The following GARS1 variants were observed in gnomAD, a reference collection of about 807,000 sequenced individuals.
GARS1 encodes the protein glycyl-tRNA synthetase 1.
A neutral mutation model predicts 86.4 loss-of-function variants in GARS1; 46 were observed. The observed-to-expected ratio is 0.53, with a 90% CI of 0.42 to 0.68. The LOEUF (loss-of-function observed/expected upper bound fraction) is 0.68, where lower values mean the gene tolerates loss of function less well. GARS1 is among the 30% of genes least tolerant of loss of function. The probability of loss-of-function intolerance (pLI) is 0.00; values close to 1 mark genes in which losing one functional copy is unlikely to be tolerated. For missense variants in GARS1, 797 were observed against 915.6 expected, an observed-to-expected ratio of 0.87 and a Z score of 1.67; for synonymous variants, 342 against 329.8, an observed-to-expected ratio of 1.04 and a Z score of -0.40.
At chr7:30,615,780 A>T in intron 8 of GARS1, 116 bp from the exon 9 acceptor site, 1 of 1,134,790 alleles carries the variant, frequency 8.8e-7, no homozygotes, top group Non-Finnish European at 1.2e-6. Context: ...GAAAAAGACC[A>T]CTATAGTATG....
rs370844461 is a variant in GARS1, at chr7:30,628,603, G to C, written c.1743G>C (p.Leu581=). Residue 581 remains leucine (L), a synonymous_variant, in exon 14 of 17, where the codon CTG becomes CTC. Coordinates refer to ENST00000389266, the MANE Select transcript of GARS1 (RefSeq NM_002047.4). ...ATGTAATTGAACCTTCCTTCGGCCT[G>C]GGTAGGATCATGTATACGGTATTTG... ...VPNVIEPSFG[L]GRIMYTVFEH... The C allele has an allele frequency of 2.0e-5, 33 of 1,613,084 alleles. No homozygotes were observed. In the African/African-American group the frequency reaches 4.3e-4, roughly 21 times the overall value.
At position 30,595,029 on chromosome 7, in the gene GARS1, C is replaced by T. The variant is rs1166263515; in HGVS notation, c.108C>T (p.Leu36=). ...CCTCGCTCCTGCTCCGCCGGTCCCTCAGCGCGGCCTCCTGCCCCCCGATCT... is the reference window on the plus strand; with the variant it reads ...CCTCGCTCCTGCTCCGCCGGTCCCTTAGCGCGGCCTCCTGCCCCCCGATCT... ...ARPSLLLRRS[L]SAASCPPISL... Residue 36 remains leucine (L), a synonymous_variant, in exon 1 of 17, where the codon CTC becomes CTT. Coordinates refer to ENST00000389266, the MANE Select transcript of GARS1 (RefSeq NM_002047.4). 9.5e-6 allele frequency: 15 copies of T among 1,575,514 alleles called. No individual in the cohort carries two copies. Among genetic ancestry groups the T allele is most frequent in the Non-Finnish European group, 1.3e-5 (15 of 1,168,204 alleles).
At chr7:30,596,683 A>G (rs1273471769) in intron 1 of GARS1, among the ~76,000 whole-genome samples, 1 of 152,130 alleles carries the variant, frequency 6.6e-6, no homozygotes, top group East Asian at 1.9e-4. Flanking sequence ...ACTTTAAGAT[A>G]TTTTCCGAAT....
At chr7:30,605,040 A>G (rs1791454650) in intron 6 of GARS1, among the ~76,000 whole-genome samples, 1 of 152,202 alleles carries the variant, frequency 6.6e-6, no homozygotes, top group Non-Finnish European at 1.5e-5. Flanking sequence ...TATCAGATGC[A>G]TGTACAGCTG....
chr7:30,605,655 T>C (rs1299547407), intron 6 of GARS1, among the ~76,000 whole-genome samples: 2 of 152,178 alleles, frequency 1.3e-5, no homozygotes, highest in African/African-American at 4.8e-5. Context: ...GTGCTAGGAT[T>C]ACACATGTGA....
At chr7:30,600,309 C>G (rs1489913235) in intron 3 of GARS1, among the ~76,000 whole-genome samples, 3 of 152,204 alleles carry the variant, frequency 2.0e-5, no homozygotes, top group South Asian at 2.1e-4. Context: ...TTTGATGTGT[C>G]TGTGTACTCA....
At chr7:30,628,706 G>C (rs1250258314) in intron 14 of GARS1, 37 bp downstream of exon 14, 1 of 1,416,164 alleles carries the variant, frequency 7.1e-7, no homozygotes, top group African/African-American at 1.4e-5. Flanking sequence ...TATAGTGTCA[G>C]AAAATAAAAA....
At chr7:30,621,813 AC>A in intron 11 of GARS1, 1 of 440,982 alleles carries the variant, frequency 2.3e-6, no homozygotes, top group African/African-American at 2.0e-5. Context: ...GCACCTACCT[AC>A]GTGCTCTTTA....
chr7:30,619,589 A>G (rs540291441), intron 10 of GARS1, among the ~76,000 whole-genome samples: 1 of 152,162 alleles, frequency 6.6e-6, no homozygotes, highest in East Asian at 1.9e-4. Flanking sequence ...ATACTTAACC[A>G]GTCGACATGT....
chr7:30,632,120 A>C lies in GARS1; in HGVS notation c.1904-127A>C. On this transcript the variant is annotated intron_variant, in intron 15 of 16. Coordinates refer to ENST00000389266, the MANE Select transcript of GARS1 (RefSeq NM_002047.4). This position sits in a 1 kb window ranked among gnomAD's most constrained non-coding sequence, Gnocchi z 4.1. Reference sequence around the variant, plus strand: ...TTTAGGGATATTTCTTTCTCTTGCAACTCAACTTGTTGCTTTCTTGTCTTG... The same window carrying C: ...TTTAGGGATATTTCTTTCTCTTGCACCTCAACTTGTTGCTTTCTTGTCTTG... The C allele has an allele frequency of 4.5e-6, 4 of 879,348 alleles. No homozygotes were observed. In the Admixed American group the frequency reaches 8.2e-5, roughly 18 times the overall value. 54.5% of individuals were successfully genotyped at this position (879,348 alleles called of 1,614,324 possible).
chr7:30,628,036 G>GT (rs1783160840), intron 13 of GARS1, among the ~76,000 whole-genome samples: 1 of 152,046 alleles, frequency 6.6e-6, no homozygotes, highest in Non-Finnish European at 1.5e-5. Flanking sequence ...TTGGTGAAAG[G>GT]TTTTTTCACT....
intron 4 of GARS1, among the ~76,000 whole-genome samples, chr7:30,602,235 C>G (rs1791394830): frequency 1.3e-5 from 2 of 151,846 alleles, no homozygotes; most frequent in South Asian, 4.2e-4. Flanking sequence ...ACTACAGGCA[C>G]CTGCCACCGT....
chr7:30,602,910 T>C (rs533030819), intron 4 of GARS1, 124 bp from the exon 5 acceptor site: 140 of 751,278 alleles, frequency 1.9e-4, no homozygotes, highest in African/African-American at 1.6e-3. Context: ...ACATCATTAC[T>C]ATAGATATGG....
chr7:30,594,742 G>T (rs919928419), upstream of GARS1: 6 of 602,924 alleles, frequency 1.0e-5, no homozygotes, highest in African/African-American at 9.5e-5. Context: ...ACCTTCGGCG[G>T]GGTCCTTCCG....
At chr7:30,595,917 A>G (rs1367323623) in intron 1 of GARS1, 4 of 470,980 alleles carry the variant, frequency 8.5e-6, no homozygotes, top group East Asian at 6.9e-5. Context: ...ATATTTTGAC[A>G]TTTGATTTTC....
chr7:30,627,115 T>C, intron 13 of GARS1: 1 of 455,590 alleles, frequency 2.2e-6, no homozygotes, highest in South Asian at 1.6e-5. Context: ...GATGCTGAAG[T>C]TTATTTGTGG....
intron 7 of GARS1, among the ~76,000 whole-genome samples, chr7:30,610,988 G>T (rs528774906): frequency 2.0e-5 from 3 of 152,262 alleles, no homozygotes; most frequent in East Asian, 1.9e-4. Context: ...AAAAGAGTTG[G>T]TCTGTTAAGT....
Position 30,612,461 on chromosome 7 carries a change from A to T in GARS1, c.1031+216A>T, listed in dbSNP as rs181909431. Among the ~76,000 whole-genome samples, 177 of 152,314 alleles carry T rather than the reference A, an allele frequency of 1.2e-3. 1 individual carries two copies. The highest frequency in any genetic ancestry group is 4.1e-3 in the African/African-American group (169 of 41,572). ...CAAAAGTGAACTTGAAGGGAAAGGA[A>T]GGAGGGTGGAGACTGTCTTAAGAGT... On this transcript the variant is annotated intron_variant, in intron 8 of 16. Transcript: ENST00000389266.
chr7:30,627,664 A>T (rs925130704), intron 13 of GARS1, among the ~76,000 whole-genome samples: 2 of 152,168 alleles, frequency 1.3e-5, no homozygotes, highest in Non-Finnish European at 2.9e-5. Context: ...GATGTCTTTG[A>T]TGGAGTGCTG....
Sources: allele counts gnomAD v4.1 joint callset (sites outside exome capture counted in the v4.1 genomes callset), GRCh38; gene constraint gnomAD v4.1.1; non-coding constraint Gnocchi (gnomAD v3.1); transcripts MANE v1.5; gene names NCBI Gene and HGNC (gene_info 2026-07-23, HGNC 2026-07-21).